Variants in NLN observed in about 807,000 individuals in gnomAD.
The protein encoded by NLN is neurolysin.
NLN carries 64 observed loss-of-function variants against 79.9 expected under a neutral mutation model. That is an observed-to-expected ratio of 0.80 (90% confidence interval 0.65 to 0.99). The LOEUF is 0.99. Ranked by LOEUF, NLN falls within the 50% of genes least tolerant of loss-of-function variation. The probability of loss-of-function intolerance (pLI) is 0.00; values close to 1 mark genes in which losing one functional copy is unlikely to be tolerated. For missense variants in NLN, 835 were observed against 858.7 expected (o/e 0.97, Z 0.34); for synonymous variants, 267 against 296.6 (o/e 0.90, Z 1.02).
At chr5:65,737,575 CTAA>C (rs1344605623) in intron 1 of NLN, among the ~76,000 whole-genome samples, 1 of 152,028 alleles carries the variant, frequency 6.6e-6, no homozygotes, top group African/African-American at 2.4e-5. Context: ...TATGTCATTA[CTAA>C]TAATAACTGA....
chr5:65,809,797 G>T, intron 10 of NLN, 96 bp downstream of exon 10: 1 of 1,035,938 alleles, frequency 9.7e-7, no homozygotes, highest in Non-Finnish European at 1.4e-6. Flanking sequence ...CATTTTAAGT[G>T]GTATCCCAAC....
chr5:65,790,034 A>C (rs1470324643), intron 8 of NLN, among the ~76,000 whole-genome samples: 2 of 152,140 alleles, frequency 1.3e-5, no homozygotes, highest in Admixed American at 1.3e-4. Flanking sequence ...CAGTGGTAAC[A>C]ATTATAAAAA....
At chr5:65,758,439 A>G in intron 1 of NLN, 128 bp from the exon 2 acceptor site, 1 of 598,118 alleles carries the variant, frequency 1.7e-6, no homozygotes, top group Non-Finnish European at 2.9e-6. Flanking sequence ...TGTTCACCTG[A>G]GAGTATTTGC....
intron 9 of NLN, among the ~76,000 whole-genome samples, chr5:65,805,930 A>G (rs1238286859): frequency 6.6e-6 from 1 of 152,210 alleles, no homozygotes; most frequent in African/African-American, 2.4e-5. Flanking sequence ...GCCAATGCTT[A>G]TTTACCATTC....
At chr5:65,798,850 A>G (rs1364984778) in intron 9 of NLN, among the ~76,000 whole-genome samples, 1 of 152,126 alleles carries the variant, frequency 6.6e-6, no homozygotes, top group Non-Finnish European at 1.5e-5. Flanking sequence ...TAAAAATCAA[A>G]ATATTTTTTA....
intron 2 of NLN, among the ~76,000 whole-genome samples, chr5:65,760,566 GC>G (rs1389193370): frequency 6.6e-6 from 1 of 150,590 alleles, no homozygotes; most frequent in Non-Finnish European, 1.5e-5. Flanking sequence ...AGGCTGGAGT[GC>G]TATGGCACAA....
chr5:65,744,468 TC>T (rs200131627), intron 1 of NLN, among the ~76,000 whole-genome samples: 1 of 143,066 alleles, frequency 7.0e-6, no homozygotes, highest in African/African-American at 2.7e-5. Flanking sequence ...AGCTTCTCTC[TC>T]CCCTTTTTTT....
intron 1 of NLN, among the ~76,000 whole-genome samples, chr5:65,745,952 G>A (rs1327610781): frequency 2.0e-5 from 3 of 152,286 alleles, no homozygotes; most frequent in African/African-American, 7.2e-5. Flanking sequence ...TTTGGTTCTG[G>A]GGGCAAGGAA....
chr5:65,726,204 C>A (rs1392012533), intron 1 of NLN, among the ~76,000 whole-genome samples: 1 of 152,066 alleles, frequency 6.6e-6, no homozygotes, highest in Non-Finnish European at 1.5e-5. Context: ...TTTGGGCAAC[C>A]AAATCCTCAG....
At chr5:65,802,331 G>A (rs979816886) in intron 9 of NLN, among the ~76,000 whole-genome samples, 6 of 152,240 alleles carry the variant, frequency 3.9e-5, no homozygotes, top group Admixed American at 6.5e-5. Context: ...CAGCACAGGC[G>A]CTGGAGGCAA....
At chr5:65,754,033 T>C (rs1488183321) in intron 1 of NLN, among the ~76,000 whole-genome samples, 1 of 152,222 alleles carries the variant, frequency 6.6e-6, no homozygotes, top group East Asian at 1.9e-4. Context: ...CTGACCTCCA[T>C]ACTGTTGGTT....
rs887853795 is a variant in NLN at position 65,781,316 on chromosome 5, T to G, written c.717T>G (p.Tyr239Ter). 1 of 1,604,500 alleles carries G rather than the reference T, an allele frequency of 6.2e-7. No individual in the cohort carries two copies. Among genetic ancestry groups the G allele is most frequent in the African/African-American group, 1.3e-5 (1 of 74,824 alleles). ...DSLEKTDDDK[Y>*]KITLKYPHYF... Reference sequence around the variant, plus strand: ...TAGAAAAGACAGATGATGACAAGTATAAAATTACCTTAAAATATCCACACT... The same window carrying G: ...TAGAAAAGACAGATGATGACAAGTAGAAAATTACCTTAAAATATCCACACT... The change falls in exon 6 of 13, where the codon TAT becomes TAG. Residue 239 changes from tyrosine to a stop codon, truncating the protein, a stop_gained. Coordinates refer to ENST00000380985, the MANE Select transcript of NLN (RefSeq NM_020726.5). LOFTEE classifies it high-confidence loss of function.
chr5:65,814,469 A>C (rs1284162245), intron 12 of NLN, among the ~76,000 whole-genome samples: 1 of 152,154 alleles, frequency 6.6e-6, no homozygotes, highest in African/African-American at 2.4e-5. Context: ...CATCTCAAAA[A>C]TTCCAGCAGT....
rs1172452626 is a variant in NLN, at chr5:65,781,266, C to T, written c.667C>T (p.Leu223Phe). ...LVFSKAELGA[L>F]PDDFIDSLEK... ...GAGAAAATGATTTTTTGCAGGTGCT[C>T]TTCCTGATGATTTCATTGACAGTTT... Residue 223 changes from leucine (L) to phenylalanine (F), a missense_variant, in exon 6 of 13, where the codon CTT becomes TTT. Physicochemically the swap from Leu to Phe is conservative, Grantham distance 22 (BLOSUM62 0). Coordinates refer to ENST00000380985, the MANE Select transcript of NLN (RefSeq NM_020726.5). 2 of 1,605,764 alleles carry T rather than the reference C, an allele frequency of 1.2e-6. No homozygotes were observed. The highest frequency in any genetic ancestry group is 1.7e-6 in the Non-Finnish European group (2 of 1,175,882).
intron 2 of NLN, among the ~76,000 whole-genome samples, chr5:65,761,900 T>G (rs1378413424): frequency 6.6e-6 from 1 of 152,196 alleles, no homozygotes; most frequent in Non-Finnish European, 1.5e-5. Flanking sequence ...CTACTATATA[T>G]CATATGGAAA....
At chr5:65,811,081 T>G (rs1430662397) in intron 11 of NLN, among the ~76,000 whole-genome samples, 1 of 152,248 alleles carries the variant, frequency 6.6e-6, no homozygotes, top group African/African-American at 2.4e-5. Flanking sequence ...ATCTGAGATT[T>G]ATGGGACTCA....
At chr5:65,766,569 A>T (rs1019791708) in intron 3 of NLN, among the ~76,000 whole-genome samples, 1 of 152,044 alleles carries the variant, frequency 6.6e-6, no homozygotes, top group Non-Finnish European at 1.5e-5. Context: ...ACACAGCCAA[A>T]CTTTCATCAC....
At chr5:65,810,497 G>A (rs1212863939) in intron 11 of NLN, among the ~76,000 whole-genome samples, 1 of 152,128 alleles carries the variant, frequency 6.6e-6, no homozygotes, top group Non-Finnish European at 1.5e-5. Context: ...GTGATTTTCA[G>A]GAAGAAATTG....
intron 3 of NLN, 55 bp downstream of exon 3, chr5:65,763,163 ACATT>A (rs1318481288): frequency 2.9e-5 from 43 of 1,466,536 alleles, no homozygotes; most frequent in Non-Finnish European, 3.9e-5. Context: ...ACAAAAAAGA[ACATT>A]CAGTCATAAA....
Sources: gnomAD v4.1 joint callset for allele counts (sites outside exome capture counted in the v4.1 genomes callset) on GRCh38, gnomAD v4.1.1 for gene constraint, MANE v1.5 for transcripts, NCBI Gene and HGNC (gene_info 2026-07-23, HGNC 2026-07-21) for gene names.